The following FNDC1 variants were observed in gnomAD, a reference collection of about 807,000 sequenced individuals.
FNDC1 encodes fibronectin type III domain-containing protein 1.
FNDC1 carries 96 observed loss-of-function variants against 168.0 expected under a neutral mutation model. The observed-to-expected ratio is 0.57, with a 90% CI of 0.48 to 0.68. FNDC1 has a LOEUF of 0.68. Among genes scored for constraint, FNDC1 ranks in the 30% least tolerant of loss-of-function variants. The pLI, the probability that FNDC1 is intolerant of heterozygous loss-of-function variation, is 0.00. For missense variants in FNDC1, 2,587 were observed against 2,482.1 expected, an observed-to-expected ratio of 1.04 and a Z score of -0.90; for synonymous variants, 1,099 against 1,025.9, an observed-to-expected ratio of 1.07 and a Z score of -1.36.
Position 159,234,046 on chromosome 6 carries a change from G to C in FNDC1, c.3534G>C (p.Glu1178Asp), listed in dbSNP as rs1562301628. The C allele has an allele frequency of 6.3e-7, 1 of 1,589,902 alleles. No homozygotes were observed. The highest frequency in any genetic ancestry group is 8.6e-7 in the Non-Finnish European group (1 of 1,164,572). The part of the protein sequence containing the change: ...SSKSQQSVSA[E>D]DDEEEDAGFF... Reference sequence around the variant, plus strand: ...AGTCCCAGCAGTCGGTCTCAGCCGAGGACGACGAGGAGGAGGACGCGGGAT... The same window carrying C: ...AGTCCCAGCAGTCGGTCTCAGCCGACGACGACGAGGAGGAGGACGCGGGAT... The change falls in exon 11 of 23, where the codon GAG (glutamate) becomes GAC (aspartate). Residue 1178 changes from glutamate (E) to aspartate (D), a missense_variant. By Grantham distance (45) the Glu-to-Asp change is conservative. Transcript: ENST00000297267.
At chr6:159,186,322 T>C (rs537655426) in intron 1 of FNDC1, among the ~76,000 whole-genome samples, 2 of 152,292 alleles carry the variant, frequency 1.3e-5, no homozygotes, top group East Asian at 3.9e-4. Context: ...GAAATGCAAA[T>C]AAACAAACAA....
intron 9 of FNDC1, among the ~76,000 whole-genome samples, chr6:159,227,805 G>T (rs1309931380): frequency 2.0e-5 from 3 of 151,882 alleles, no homozygotes; most frequent in African/African-American, 7.3e-5. Flanking sequence ...ACTAACGAAA[G>T]CTGATGAGCT....
At chr6:159,214,763 TG>T (rs1782674643) in intron 4 of FNDC1, among the ~76,000 whole-genome samples, 181 bp from the exon 5 acceptor site, 1 of 152,226 alleles carries the variant, frequency 6.6e-6, no homozygotes, top group Non-Finnish European at 1.5e-5. Context: ...GGGAGGAATA[TG>T]TGGTTAGAGT....
At chr6:159,270,351 G>C (rs914138928) in intron 22 of FNDC1, among the ~76,000 whole-genome samples, 1 of 152,168 alleles carries the variant, frequency 6.6e-6, no homozygotes, top group African/African-American at 2.4e-5. Flanking sequence ...ATTTAATGTT[G>C]GATCAGATAT....
intron 1 of FNDC1, among the ~76,000 whole-genome samples, chr6:159,185,076 G>GTT (rs936304710): frequency 1.1e-5 from 1 of 93,278 alleles, no homozygotes; most frequent in Non-Finnish European, 2.0e-5. Context: ...GTGGGGGGGG[G>GTT]GGAATCTTGT....
In FNDC1 at chr6:159,229,856, G is replaced by A. The variant is rs1783044615; in HGVS notation, c.1222G>A (p.Ala408Thr). The change falls in exon 10 of 23, where the codon GCA becomes ACA. Residue 408 changes from alanine (A) to threonine (T), a missense_variant. Physicochemically the swap from Ala to Thr is moderately conservative, Grantham distance 58 (BLOSUM62 0). Coordinates refer to ENST00000297267, the MANE Select transcript of FNDC1 (RefSeq NM_032532.3). Reference protein sequence around the residue: ...SYAPALKPFGAKSLTYPGDTT... With the variant: ...SYAPALKPFGTKSLTYPGDTT... Reference sequence around the variant, plus strand: ...CGCCCCGGCTCTCAAACCATTTGGAGCAAAGTCCCTCACCTATCCTGGAGA... The same window carrying A: ...CGCCCCGGCTCTCAAACCATTTGGAACAAAGTCCCTCACCTATCCTGGAGA... 6.2e-7 allele frequency: 1 copy of A among 1,613,478 alleles called. No individual in the cohort carries two copies. Among genetic ancestry groups the A allele is most frequent in the South Asian group, 1.1e-5 (1 of 90,968 alleles).
chr6:159,182,647 C>G (rs914689726), intron 1 of FNDC1, among the ~76,000 whole-genome samples: 1 of 152,192 alleles, frequency 6.6e-6, no homozygotes. Flanking sequence ...AAGCCCATTG[C>G]CTTTCTTACA....
rs1367481560 is a variant in FNDC1, at chr6:159,198,105, CT to C, written c.304+482del. ...TTGCCCCATTTAAATTTGACTTTAA[CT>C]TGATTCTGGAGGTTTGGAATATTTG... On this transcript the variant is annotated intron_variant, in intron 2 of 22. Transcript: ENST00000297267. Among the ~76,000 whole-genome samples, 3 of 152,150 alleles carry C rather than the reference CT, an allele frequency of 2.0e-5. No homozygotes were observed. In the East Asian group the frequency reaches 5.8e-4, roughly 29 times the overall value.
intron 12 of FNDC1, 112 bp from the exon 13 acceptor site, chr6:159,238,442 C>A: frequency 1.5e-6 from 1 of 669,494 alleles, no homozygotes; most frequent in Non-Finnish European, 2.5e-6. Flanking sequence ...GTCTTCTACT[C>A]ACATTACGGT....
In FNDC1 at chr6:159,239,820, C is replaced by A. The variant is rs564106720; in HGVS notation, c.4484C>A (p.Thr1495Lys). The change falls in exon 14 of 23, where the codon ACG becomes AAG. Residue 1495 changes from threonine (T) to lysine (K), a missense_variant. Thr to Lys is a moderately conservative substitution (Grantham distance 78). Coordinates refer to ENST00000297267, the MANE Select transcript of FNDC1 (RefSeq NM_032532.3). ...RRPTTTVRTT[T>K]RTTTTTTPTP... ...CCAACAACCACAGTCCGAACCACTA[C>A]GCGGACAACCACCACCACCACCCCC... The A allele has an allele frequency of 1.3e-6, 2 of 1,546,448 alleles. No homozygotes were observed. The highest frequency in any genetic ancestry group is 1.7e-6 in the Non-Finnish European group (2 of 1,142,968).
In FNDC1 at chr6:159,200,001, G is replaced by T; in HGVS notation, c.310G>T (p.Gly104Trp). ...ATATGAACCGTATGTTTCAGAGCCG[G>T]GGGTAGTGTACTTTGTGCTGCTTAC... ...YSFLIEDVEPGVVYFVLLTAE... is the reference protein window; with the variant it reads ...YSFLIEDVEPWVVYFVLLTAE... Residue 104 changes from glycine to tryptophan, a missense_variant, in exon 3 of 23, where the codon GGG becomes TGG. By Grantham distance (184) the Gly-to-Trp change is radical. Transcript: ENST00000297267. The T allele has an allele frequency of 6.2e-7, 1 of 1,604,034 alleles. No individual in the cohort carries two copies. The highest frequency in any genetic ancestry group is 2.2e-5 in the East Asian group (1 of 44,542).
At chr6:159,193,413 T>A (rs1413821811) in intron 1 of FNDC1, among the ~76,000 whole-genome samples, 1 of 152,194 alleles carries the variant, frequency 6.6e-6, no homozygotes, top group Admixed American at 6.5e-5. Context: ...GGCATGGTCC[T>A]TGGAGACTCC....
intron 4 of FNDC1, among the ~76,000 whole-genome samples, chr6:159,206,800 A>G (rs1237366436): frequency 6.6e-6 from 1 of 152,142 alleles, no homozygotes; most frequent in African/African-American, 2.4e-5. Context: ...TGGCTGGTCT[A>G]TGAAGATGAG....
intron 14 of FNDC1, among the ~76,000 whole-genome samples, chr6:159,244,997 A>G (rs1783507950): frequency 6.6e-6 from 1 of 152,238 alleles, no homozygotes; most frequent in Non-Finnish European, 1.5e-5. Context: ...CAATCATGGC[A>G]GAAGGGAAAG....
rs748729333 is a variant in FNDC1 at position 159,251,451 on chromosome 6, A to G, written c.4984A>G (p.Ile1662Val). 30 of 1,613,806 alleles carry G rather than the reference A, an allele frequency of 1.9e-5. 1 individual carries two copies. In the South Asian group the frequency reaches 3.2e-4, roughly 17 times the overall value. Residue 1662 changes from isoleucine to valine, a missense_variant, in exon 17 of 23, where the codon ATC becomes GTC. Coordinates refer to ENST00000297267, the MANE Select transcript of FNDC1 (RefSeq NM_032532.3). ...DLPPQHAPRN[I>V]TVVAVEGCHS... ...GCCTCCCCAGCATGCTCCCCGCAAC[A>G]TCACCGTGGTGGCCGTGGAAGGTTG...
Position 159,232,135 on chromosome 6 carries a change from T to C in FNDC1, c.1623T>C (p.Thr541=), listed in dbSNP as rs749633549. 5.0e-6 allele frequency: 8 copies of C among 1,613,850 alleles called. No individual in the cohort carries two copies. Among genetic ancestry groups the C allele is most frequent in the Middle Eastern group, 1.6e-4 (1 of 6,062 alleles). The part of the protein sequence containing the change: ...EELDLQSTEI[T]GEEELGSRED... Reference sequence around the variant, plus strand: ...TGGATCTTCAGTCGACAGAAATCACTGGGGAGGAGGAGCTGGGTTCCCGGG... The same window carrying C: ...TGGATCTTCAGTCGACAGAAATCACCGGGGAGGAGGAGCTGGGTTCCCGGG... The change falls in exon 11 of 23, where the codon ACT becomes ACC. Residue 541 remains threonine (T), a synonymous_variant. Transcript: ENST00000297267. This position sits in a 1 kb window ranked among gnomAD's most constrained non-coding sequence, Gnocchi z 4.9.
Position 159,221,620 on chromosome 6 carries a change from C to T in FNDC1, c.690C>T (p.Val230=), listed in dbSNP as rs745816186. ...KKLASESVYV[V]SLQSMNSQGR... is the part of the protein sequence containing the mutation. ...CAGCCTCGGAATCCGTGTATGTGGTCTCCCTGCAGTCCATGAACTCTCAGG... is the reference window on the plus strand; with the variant it reads ...CAGCCTCGGAATCCGTGTATGTGGTTTCCCTGCAGTCCATGAACTCTCAGG... The change falls in exon 6 of 23, where the codon GTC becomes GTT. Residue 230 remains valine (V), a synonymous_variant. Transcript: ENST00000297267. 5 of 1,613,976 alleles carry T rather than the reference C, an allele frequency of 3.1e-6. No homozygotes were observed. The highest frequency in any genetic ancestry group is 3.4e-6 in the Non-Finnish European group (4 of 1,179,846).
At chr6:159,200,788 T>C (rs528103413) in intron 4 of FNDC1, among the ~76,000 whole-genome samples, 20 of 152,350 alleles carry the variant, frequency 1.3e-4, no homozygotes, top group Non-Finnish European at 1.9e-4. Context: ...TCACCGTTCT[T>C]TCATGTTCTC....
Position 159,271,679 on chromosome 6 carries a change from T to A in FNDC1, c.*237T>A, listed in dbSNP as rs1388565747. ...AACTTTGCTTCTCTACTTTTTTTTG[T>A]TTGTTTGTAATAGCACATCCCAGAG... On this transcript the variant is annotated 3_prime_UTR_variant, in exon 23 of 23. Transcript: ENST00000297267. 3 of 423,174 alleles carry A rather than the reference T, an allele frequency of 7.1e-6. No homozygotes were observed. Among genetic ancestry groups the A allele is most frequent in the Admixed American group, 7.4e-5 (2 of 26,976 alleles). The allele number at this position is 423,174 out of a possible 1,614,324, so 26.2% of individuals were successfully genotyped here.
Sources: gnomAD v4.1 joint callset for allele counts (sites outside exome capture counted in the v4.1 genomes callset) on GRCh38, gnomAD v4.1.1 for gene constraint, Gnocchi (gnomAD v3.1) non-coding constraint, MANE v1.5 for transcripts, NCBI Gene and HGNC (gene_info 2026-07-23, HGNC 2026-07-21) for gene names.